MTSS2: variants seen among roughly 807,000 people sequenced by gnomAD.
MTSS2 encodes MTSS I-BAR domain containing 2.
In MTSS2, 27 loss-of-function variants were observed where a neutral mutation model predicts 67.1. The observed-to-expected ratio is 0.40, with a 90% CI of 0.30 to 0.55. MTSS2 has a LOEUF of 0.55. MTSS2 is among the 20% of genes least tolerant of loss of function. MTSS2 has a pLI of 0.43. For synonymous variants in MTSS2, 624 were observed against 468.6 expected, an observed-to-expected ratio of 1.33 and a Z score of -4.28; for missense variants, 1,171 against 1,067.8, an observed-to-expected ratio of 1.10 and a Z score of -1.35.
intron 8 of MTSS2, 133 bp downstream of exon 8, chr16:70,678,119 G>A: frequency 8.1e-7 from 1 of 1,229,616 alleles, no homozygotes; most frequent in Non-Finnish European, 1.1e-6. Context: ...TATGAGACCT[G>A]CCTTTGGGCC....
At chr16:70,674,644 G>C (rs1216289962) in intron 10 of MTSS2, 116 bp from the exon 11 acceptor site, 18 of 856,304 alleles carry the variant, frequency 2.1e-5, no homozygotes, top group East Asian at 8.0e-5. Context: ...GGAAGGAAAA[G>C]ACAATGTCAG....
In MTSS2 at chr16:70,665,447, C is replaced by A; in HGVS notation, c.1128+19G>T. 1 of 1,547,920 alleles carries A rather than the reference C, an allele frequency of 6.5e-7. No homozygotes were observed. Among genetic ancestry groups the A allele is most frequent in the Admixed American group, 2.0e-5 (1 of 51,164 alleles). On this transcript the variant is annotated intron_variant, in intron 12 of 14. Coordinates refer to ENST00000338779, the MANE Select transcript of MTSS2 (RefSeq NM_138383.3). ...GGGGCAGCTGGTGACTGTCCTGGGG[C>A]CGGGCTGGGAGCACTGACCGAGGTG...
At position 70,661,536 on chromosome 16, in the gene MTSS2, A is replaced by G. The variant is rs1162281120; in HGVS notation, c.*2141T>C. The stretch of plus-strand genomic sequence containing the variant: ...TTCTCCGTACAAAATGAGAAATTAA[A>G]CGAACGTAAAGTCCCCCAAACCAAA... On this transcript the variant is annotated 3_prime_UTR_variant, in exon 15 of 15. Transcript: ENST00000338779. 8.6e-6 allele frequency: 3 copies of G among 349,504 alleles called. No individual in the cohort carries two copies. Among genetic ancestry groups the G allele is most frequent in the Non-Finnish European group, 1.7e-5 (3 of 177,660 alleles). The allele number at this position is 349,504 out of a possible 1,614,324, so 21.7% of individuals were successfully genotyped here.
intron 11 of MTSS2, among the ~76,000 whole-genome samples, chr16:70,672,476 T>C (rs994403645): frequency 2.0e-5 from 3 of 151,822 alleles, no homozygotes; most frequent in African/African-American, 7.3e-5. Flanking sequence ...GTACGTTACT[T>C]AGTATTATAC....
chr16:70,668,361 C>A (rs982608324), intron 11 of MTSS2, among the ~76,000 whole-genome samples: 3 of 150,934 alleles, frequency 2.0e-5, no homozygotes, highest in African/African-American at 7.3e-5. Context: ...TGAGCCAATA[C>A]TGTACCTCTG....
chr16:70,674,116 G>A (rs537689219), intron 11 of MTSS2, among the ~76,000 whole-genome samples, 190 bp downstream of exon 11: 51 of 152,280 alleles, frequency 3.3e-4, no homozygotes, highest in Admixed American at 9.2e-4. Context: ...ATAAAGATAT[G>A]TGAATTTAAA....
chr16:70,677,871 A>C lies in MTSS2; in HGVS notation c.653T>G (p.Ile218Ser). The C allele has an allele frequency of 1.2e-6, 2 of 1,611,384 alleles. No homozygotes were observed. Among genetic ancestry groups the C allele is most frequent in the Non-Finnish European group, 8.5e-7 (1 of 1,179,318 alleles). ...GTCGATGATGCCCTGCAGGTGGGTG[A>C]TCTCTCCCAGCATGGTCAGCTCTCC... ...VNGELTMLGE[I>S]THLQGIIDDL... The change falls in exon 9 of 15, where the codon ATC becomes AGC. Residue 218 changes from isoleucine (I) to serine (S), a missense_variant. Physicochemically the swap from Ile to Ser is moderately radical, Grantham distance 142 (BLOSUM62 -2). Coordinates refer to ENST00000338779, the MANE Select transcript of MTSS2 (RefSeq NM_138383.3).
chr16:70,685,398 G>A (rs2053420501), intron 1 of MTSS2, among the ~76,000 whole-genome samples: 2 of 152,210 alleles, frequency 1.3e-5, no homozygotes, highest in Non-Finnish European at 2.9e-5. Flanking sequence ...ACTCGTTAAA[G>A]GGCCCTAGAG....
intron 12 of MTSS2, 63 bp downstream of exon 12, chr16:70,665,403 G>C (rs1275420662): frequency 6.8e-7 from 1 of 1,476,322 alleles, no homozygotes; most frequent in Admixed American, 2.0e-5. Context: ...GGCACCAGGT[G>C]GGGAGGGCAT....
intron 10 of MTSS2, 67 bp from the exon 11 acceptor site, chr16:70,674,595 G>C (rs1163672684): frequency 4.2e-6 from 6 of 1,431,042 alleles, no homozygotes; most frequent in Non-Finnish European, 5.8e-6. Context: ...GTTTGGGGGA[G>C]GTTGACAAAC....
rs992699706 is a variant in MTSS2, at chr16:70,665,032, C to T, written c.1193G>A (p.Arg398Gln). Reference protein sequence around the residue: ...SGATLQRRKDRVELLRDTEPG... With the variant: ...SGATLQRRKDQVELLRDTEPG... ...CTCTGTGTCTCGCAGGAGCTCCACTCGGTCCTTCCTCCGCTGCAGAGTGGC... is the reference window on the plus strand; with the variant it reads ...CTCTGTGTCTCGCAGGAGCTCCACTTGGTCCTTCCTCCGCTGCAGAGTGGC... Residue 398 changes from arginine (R) to glutamine (Q), a missense_variant, in exon 13 of 15, where the codon CGA (arginine) becomes CAA (glutamine). Physicochemically the swap from Arg to Gln is conservative, Grantham distance 43. Around this residue, in one of 2 missense-constraint regions of MTSS2, gnomAD observed 924 missense variants for 756.0 expected, o/e 1.22. Coordinates refer to ENST00000338779, the MANE Select transcript of MTSS2 (RefSeq NM_138383.3). 2.1e-5 allele frequency: 34 copies of T among 1,596,970 alleles called. No homozygotes were observed. Among genetic ancestry groups the T allele is most frequent in the African/African-American group, 1.2e-4 (9 of 74,926 alleles).
intron 1 of MTSS2, among the ~76,000 whole-genome samples, chr16:70,684,665 G>T (rs2053400052): frequency 6.6e-6 from 1 of 152,022 alleles, no homozygotes; most frequent in Non-Finnish European, 1.5e-5. Flanking sequence ...ATCCTGTGGG[G>T]TGCCTCGTTC....
Position 70,664,909 on chromosome 16 carries a change from G to C in MTSS2, c.1305+11C>G. On this transcript the variant is annotated intron_variant, in intron 13 of 14. Transcript: ENST00000338779. ...TGACCTGGGCGTGAAGGGGGGCCCT[G>C]GCCAGCCTACCTTGGCTGCGATGGT... 1 of 1,536,490 alleles carries C rather than the reference G, an allele frequency of 6.5e-7. No homozygotes were observed. Among genetic ancestry groups the C allele is most frequent in the South Asian group, 1.2e-5 (1 of 82,604 alleles).
chr16:70,666,419 C>T (rs1055197728), intron 11 of MTSS2, among the ~76,000 whole-genome samples: 1 of 152,174 alleles, frequency 6.6e-6, no homozygotes, highest in African/African-American at 2.4e-5. Context: ...AAGAAAAAAG[C>T]AGGGTAGACA....
chr16:70,676,848 C>A, intron 10 of MTSS2, 33 bp downstream of exon 10: 1 of 1,591,932 alleles, frequency 6.3e-7, no homozygotes, highest in South Asian at 1.1e-5. Context: ...GGATACCGCC[C>A]CCCACACCCC....
chr16:70,667,181 G>C (rs2052745568), intron 11 of MTSS2, among the ~76,000 whole-genome samples: 1 of 148,454 alleles, frequency 6.7e-6, no homozygotes, highest in African/African-American at 2.5e-5. Flanking sequence ...TGAGGCAGGA[G>C]GATATCTTGA....
chr16:70,676,316 G>T (rs190088322), intron 10 of MTSS2, among the ~76,000 whole-genome samples: 80 of 152,344 alleles, frequency 5.3e-4, no homozygotes, highest in Admixed American at 1.6e-3. Flanking sequence ...GAGGCTCCCG[G>T]GGCTAGCCTG....
At chr16:70,669,518 T>C (rs2052846827) in intron 11 of MTSS2, among the ~76,000 whole-genome samples, 2 of 152,068 alleles carry the variant, frequency 1.3e-5, no homozygotes, top group East Asian at 1.9e-4. Flanking sequence ...CCCTATCTCT[T>C]ATAAAAAAGT....
chr16:70,673,792 T>C (rs1181614678), intron 11 of MTSS2, among the ~76,000 whole-genome samples: 1 of 152,056 alleles, frequency 6.6e-6, no homozygotes, highest in East Asian at 1.9e-4. Context: ...AAAAAATATA[T>C]ATTAAGGGCC....
Sources: gnomAD v4.1 joint callset for allele counts (sites outside exome capture counted in the v4.1 genomes callset) on GRCh38, gnomAD v4.1.1 for gene constraint, gnomAD v4.1.1 regional missense constraint, MANE v1.5 for transcripts, NCBI Gene and HGNC (gene_info 2026-07-23, HGNC 2026-07-21) for gene names.